The following CCDC73 variants were observed in gnomAD, a reference collection of about 807,000 sequenced individuals.
CCDC73 encodes coiled-coil domain containing 73.
In CCDC73, 95 loss-of-function variants were observed where a neutral mutation model predicts 116.5. The observed-to-expected ratio is 0.82, with a 90% confidence interval of 0.69 to 0.97. The LOEUF (loss-of-function observed/expected upper bound fraction) is 0.97. Ranked by LOEUF, CCDC73 falls within the 50% of genes least tolerant of loss-of-function variation. The probability of loss-of-function intolerance (pLI) is 0.00; values close to 1 mark genes in which losing one functional copy is unlikely to be tolerated. For synonymous variants in CCDC73, 398 were observed against 401.3 expected (o/e 0.99, Z 0.10); for missense variants, 1,066 against 1,206.8 (o/e 0.88, Z 1.73).
chr11:32,782,805 C>G (rs1277567546), intron 1 of CCDC73, among the ~76,000 whole-genome samples: 7 of 151,622 alleles, frequency 4.6e-5, no homozygotes, highest in Non-Finnish European at 1.0e-4. Context: ...AGAAACAGTT[C>G]TTATAAAAAT....
At chr11:32,688,238 G>A (rs910335502) in intron 6 of CCDC73, among the ~76,000 whole-genome samples, 7 of 152,082 alleles carry the variant, frequency 4.6e-5, no homozygotes, top group African/African-American at 1.7e-4. Flanking sequence ...CTATCTGATA[G>A]GATTCAATAA....
chr11:32,669,521 C>A (rs1446986556), intron 9 of CCDC73, among the ~76,000 whole-genome samples: 2 of 152,022 alleles, frequency 1.3e-5, no homozygotes, highest in South Asian at 4.2e-4. Context: ...ACAATAATCA[C>A]CCTGTTGTGC....
intron 13 of CCDC73, among the ~76,000 whole-genome samples, chr11:32,636,797 GT>G (rs1329836031): frequency 6.6e-6 from 1 of 151,508 alleles, no homozygotes; most frequent in Non-Finnish European, 1.5e-5. Context: ...TCTCTGCAAG[GT>G]ATTTCTTTTC....
intron 9 of CCDC73, among the ~76,000 whole-genome samples, chr11:32,668,719 C>T (rs999995521): frequency 7.9e-5 from 12 of 152,148 alleles, no homozygotes; most frequent in Non-Finnish European, 1.5e-4. Flanking sequence ...AACCACAGCC[C>T]TTTACATCAC....
At chr11:32,681,689 C>G (rs567024154) in intron 7 of CCDC73, 3 of 151,870 alleles carry the variant, frequency 2.0e-5, no homozygotes, top group Admixed American at 2.0e-4. Context: ...TATCTTGTTT[C>G]CTGTCTTGCC....
chr11:32,776,502 A>T (rs1390809608), intron 1 of CCDC73, among the ~76,000 whole-genome samples: 1 of 151,922 alleles, frequency 6.6e-6, no homozygotes, highest in African/African-American at 2.4e-5. Context: ...ACTGTCTCCT[A>T]CTAATCCGTG....
chr11:32,742,406 G>A (rs1441174941), intron 2 of CCDC73, among the ~76,000 whole-genome samples: 2 of 152,198 alleles, frequency 1.3e-5, no homozygotes, highest in Non-Finnish European at 2.9e-5. Flanking sequence ...CTAATGACCA[G>A]CAATGATGAG....
chr11:32,740,101 G>T (rs1413639812), intron 2 of CCDC73, among the ~76,000 whole-genome samples: 1 of 151,836 alleles, frequency 6.6e-6, no homozygotes, highest in Non-Finnish European at 1.5e-5. Context: ...GAGAATTTTT[G>T]TATCAATGTT....
Position 32,611,252 on chromosome 11 carries a change from A to G in CCDC73, c.2910T>C (p.Ile970=). 1 of 1,613,282 alleles carries G rather than the reference A, an allele frequency of 6.2e-7. No homozygotes were observed. ...GKDIGPDTTS[I]NRVADTLNNW... is the part of the protein sequence containing the mutation. ...TATTCAAAGTGTCAGCAACTCTGTTAATGCTGGTAGTATCTGATTGATAAA... is the reference window on the plus strand; with the variant it reads ...TATTCAAAGTGTCAGCAACTCTGTTGATGCTGGTAGTATCTGATTGATAAA... The change falls in exon 17 of 18, where the codon ATT becomes ATC. Residue 970 remains isoleucine, a synonymous_variant. Transcript: ENST00000335185.
At chr11:32,668,835 T>C (rs547994791) in intron 9 of CCDC73, among the ~76,000 whole-genome samples, 1 of 152,306 alleles carries the variant, frequency 6.6e-6, no homozygotes, top group South Asian at 2.1e-4. Flanking sequence ...GTAAACATTA[T>C]GTTAAATATG....
At chr11:32,704,271 C>T (rs570669275) in intron 3 of CCDC73, among the ~76,000 whole-genome samples, 1 of 152,348 alleles carries the variant, frequency 6.6e-6, no homozygotes, top group South Asian at 2.1e-4. Flanking sequence ...GAAGCTGAAG[C>T]TTAAAGTACC....
intron 1 of CCDC73, among the ~76,000 whole-genome samples, chr11:32,792,859 AAGG>A (rs1325226017): frequency 2.0e-5 from 3 of 152,218 alleles, no homozygotes; most frequent in Admixed American, 1.3e-4. Flanking sequence ...CATGAAGTGT[AAGG>A]AGAATACTGG....
At chr11:32,657,741 A>G (rs558730076) in intron 9 of CCDC73, among the ~76,000 whole-genome samples, 36 of 152,302 alleles carry the variant, frequency 2.4e-4, no homozygotes, top group African/African-American at 8.7e-4. Context: ...CAAAGATCAC[A>G]GCTAATCCTA....
chr11:32,616,237 A>G (rs1313725090), intron 14 of CCDC73, 108 bp from the exon 15 acceptor site: 1 of 1,126,340 alleles, frequency 8.9e-7, no homozygotes. Context: ...CCATTCAGCA[A>G]TTTCTATTTG....
At chr11:32,699,647 C>T (rs1289674952) in intron 5 of CCDC73, among the ~76,000 whole-genome samples, 3 of 151,998 alleles carry the variant, frequency 2.0e-5, no homozygotes, top group Non-Finnish European at 4.4e-5. Context: ...AACCAAACAC[C>T]ACATGTTCTT....
At chr11:32,723,141 T>C (rs1850004223) in intron 2 of CCDC73, among the ~76,000 whole-genome samples, 1 of 152,188 alleles carries the variant, frequency 6.6e-6, no homozygotes, top group Admixed American at 6.5e-5. Flanking sequence ...ATTTTACCTA[T>C]GTAAAATATG....
chr11:32,652,181 G>A (rs1855831271), intron 12 of CCDC73, among the ~76,000 whole-genome samples: 1 of 152,102 alleles, frequency 6.6e-6, no homozygotes, highest in Non-Finnish European at 1.5e-5. Context: ...GTGGGCACCT[G>A]TAATTCCAGC....
At chr11:32,781,880 G>A (rs745376775) in intron 1 of CCDC73, among the ~76,000 whole-genome samples, 7 of 152,120 alleles carry the variant, frequency 4.6e-5, no homozygotes, top group Non-Finnish European at 7.4e-5. Flanking sequence ...ATACTGGTCC[G>A]TGGCCTGTTA....
chr11:32,613,560 T>G lies in CCDC73; in HGVS notation c.2758A>C (p.Thr920Pro). ...ATGCAAGGGGTCGAACTGCTCGCTG[T>G]TTGACTTTCAATGTGATTTACTTTT... ...WSKVNHIESQ[T>P]ASSSTPCISL... is the part of the protein sequence containing the mutation. Residue 920 changes from threonine (T) to proline (P), a missense_variant, in exon 16 of 18, where the codon ACA becomes CCA. Coordinates refer to ENST00000335185, the MANE Select transcript of CCDC73 (RefSeq NM_001008391.4). 1 of 1,614,144 alleles carries G rather than the reference T, an allele frequency of 6.2e-7. No individual in the cohort carries two copies. Among genetic ancestry groups the G allele is most frequent in the South Asian group, 1.1e-5 (1 of 91,082 alleles).
Sources: allele counts gnomAD v4.1 joint callset (sites outside exome capture counted in the v4.1 genomes callset), GRCh38; gene constraint gnomAD v4.1.1; transcripts MANE v1.5; gene names NCBI Gene and HGNC (gene_info 2026-07-23, HGNC 2026-07-21).